The following PTPN2 variants were observed in gnomAD, a reference collection of about 807,000 sequenced individuals.
The protein encoded by PTPN2 is tyrosine-protein phosphatase non-receptor type 2.
A neutral mutation model predicts 57.3 loss-of-function variants in PTPN2; 19 were observed. The ratio of observed to expected loss-of-function variants is 0.33; its 90% CI spans 0.23 to 0.49. The LOEUF is 0.49. Ranked by LOEUF, PTPN2 falls within the 20% of genes least tolerant of loss-of-function variation. The probability of loss-of-function intolerance (pLI) is 0.99; values close to 1 mark genes in which losing one functional copy is unlikely to be tolerated. For synonymous variants in PTPN2, 153 were observed against 164.9 expected (o/e 0.93, Z 0.55); for missense variants, 358 against 501.1 (o/e 0.71, Z 2.73).
intron 9 of PTPN2, chr18:12,785,888 CA>C (rs781362863): frequency 5.3e-6 from 8 of 1,513,276 alleles, no homozygotes; most frequent in Non-Finnish European, 6.4e-6. Context: ...TCATATTTAC[CA>C]AACACACAGA....
At chr18:12,820,232 T>C (rs577850317) in intron 5 of PTPN2, among the ~76,000 whole-genome samples, 41 of 152,064 alleles carry the variant, frequency 2.7e-4, no homozygotes, top group Admixed American at 2.3e-3. Context: ...TCCCCACTAA[T>C]AGATTTTTGA....
At chr18:12,794,519 C>T (rs1028952184) in intron 8 of PTPN2, 34 bp from the exon 9 acceptor site, 3 of 1,605,056 alleles carry the variant, frequency 1.9e-6, no homozygotes, top group Non-Finnish European at 2.5e-6. Context: ...AAAGGAAGTG[C>T]ACACAGAGCA....
chr18:12,806,004 T>C (rs972303006), intron 7 of PTPN2, among the ~76,000 whole-genome samples: 2 of 151,998 alleles, frequency 1.3e-5, no homozygotes, highest in African/African-American at 2.4e-5. Flanking sequence ...AGAGAAAGGG[T>C]ATTCAAATTG....
exon 10 of PTPN2, chr18:12,785,582 T>G: frequency 1.8e-6 from 1 of 562,578 alleles, no homozygotes; most frequent in African/African-American, 1.9e-5. Flanking sequence ...TTGTACATCT[T>G]TCTACATTTC....
chr18:12,859,087 A>G (rs2043698220), intron 2 of PTPN2, 77 bp downstream of exon 2: 7 of 1,057,924 alleles, frequency 6.6e-6, no homozygotes, highest in Non-Finnish European at 1.0e-5. Context: ...ACTGACCCCA[A>G]GCCCTCCTTT....
chr18:12,876,863 C>G (rs1037011645), intron 1 of PTPN2, among the ~76,000 whole-genome samples: 10 of 152,298 alleles, frequency 6.6e-5, no homozygotes, highest in African/African-American at 2.4e-4. Context: ...CCAAAATGAC[C>G]CTACCTATTA....
chr18:12,827,653 G>A, intron 4 of PTPN2, among the ~76,000 whole-genome samples: 1 of 151,198 alleles, frequency 6.6e-6, no homozygotes, highest in South Asian at 2.1e-4. Context: ...CCAAAGTGCT[G>A]GGATTATAGG....
chr18:12,789,858 G>GTA (rs35606579), downstream of PTPN2, among the ~76,000 whole-genome samples: 2 of 134,144 alleles, frequency 1.5e-5, no homozygotes, highest in Non-Finnish European at 3.3e-5. Context: ...ATATCTCTCT[G>GTA]TATGTGTGTG....
chr18:12,870,439 GTGTATATATATATATATAT>G (rs2044207389), intron 1 of PTPN2, among the ~76,000 whole-genome samples: 3 of 30,370 alleles, frequency 9.9e-5, no homozygotes, highest in Non-Finnish European at 1.4e-4. Context: ...ATATATATAT[GTGTATATATATATATATAT>G]ATATAGAGAG....
chr18:12,816,629 A>T (rs183219794), intron 6 of PTPN2, among the ~76,000 whole-genome samples: 1 of 152,202 alleles, frequency 6.6e-6, no homozygotes, highest in African/African-American at 2.4e-5. Context: ...TGGTGGAGAA[A>T]GAATTAGCCG....
chr18:12,827,941 C>T (rs904552510), intron 4 of PTPN2, among the ~76,000 whole-genome samples: 4 of 151,908 alleles, frequency 2.6e-5, no homozygotes, highest in African/African-American at 7.3e-5. Context: ...ACATCATGTA[C>T]CTGTAAAAAC....
At chr18:12,873,636 T>G (rs2044355179) in intron 1 of PTPN2, among the ~76,000 whole-genome samples, 1 of 152,186 alleles carries the variant, frequency 6.6e-6, no homozygotes, top group Non-Finnish European at 1.5e-5. Context: ...CTCGGCTCGC[T>G]ACAACCTCCA....
intron 1 of PTPN2, 107 bp downstream of exon 1, chr18:12,883,966 G>C (rs1231942361): frequency 3.0e-6 from 3 of 983,774 alleles, no homozygotes; most frequent in Non-Finnish European, 4.4e-6. Context: ...CGCCCCGAGC[G>C]AGAGGCTAGA....
downstream of PTPN2, among the ~76,000 whole-genome samples, chr18:12,790,611 G>C (rs1362954294): frequency 6.6e-6 from 1 of 152,204 alleles, no homozygotes; most frequent in Non-Finnish European, 1.5e-5. Context: ...AAAATACAGT[G>C]TCTGGCATAC....
chr18:12,791,455 T>C (rs2040981292), downstream of PTPN2, among the ~76,000 whole-genome samples: 1 of 152,194 alleles, frequency 6.6e-6, no homozygotes, highest in Non-Finnish European at 1.5e-5. Context: ...TTTAAAGCTG[T>C]AGAACCCATC....
rs148776205 is a variant in PTPN2, at chr18:12,801,998, G to T, written c.1012C>A (p.Gln338Lys). The T allele has an allele frequency of 6.2e-7, 1 of 1,608,982 alleles. No homozygotes were observed. Among genetic ancestry groups the T allele is most frequent in the African/African-American group, 1.3e-5 (1 of 74,878 alleles). ...TCACTGTTCTCCTCCATTGTATCTT[G>T]CATTTTAGAGGAAAGTCCTGTACAT... is the stretch of plus-strand genomic sequence containing the variant. ...DRCTGLSSKM[Q>K]DTMEENSESA... is the part of the protein sequence containing the mutation. The change falls in exon 8 of 9, where the codon CAA (glutamine) becomes AAA (lysine). Residue 338 changes from glutamine to lysine, a missense_variant. By Grantham distance (53) the Gln-to-Lys change is moderately conservative. Coordinates refer to ENST00000309660, the MANE Select transcript of PTPN2 (RefSeq NM_002828.4).
chr18:12,852,432 C>T (rs2043430950), intron 2 of PTPN2, among the ~76,000 whole-genome samples: 2 of 152,236 alleles, frequency 1.3e-5, no homozygotes, highest in African/African-American at 4.8e-5. Context: ...AAGTTCTTGT[C>T]CATCTCTTCT....
chr18:12,821,874 G>C (rs2042280628), intron 5 of PTPN2, among the ~76,000 whole-genome samples: 1 of 152,144 alleles, frequency 6.6e-6, no homozygotes, highest in Non-Finnish European at 1.5e-5. Context: ...TGGAAAGATT[G>C]CATCTGTGTT....
At chr18:12,863,092 G>A (rs1478713087) in intron 1 of PTPN2, 1 of 152,172 alleles carries the variant, frequency 6.6e-6, no homozygotes, top group African/African-American at 2.4e-5. Context: ...CTATTCACTA[G>A]GTCTATCACA....
Sources: gnomAD v4.1 joint callset for allele counts (sites outside exome capture counted in the v4.1 genomes callset) on GRCh38, gnomAD v4.1.1 for gene constraint, MANE v1.5 for transcripts, NCBI Gene and HGNC (gene_info 2026-07-23, HGNC 2026-07-21) for gene names.